SLC37A3: variants seen among roughly 807,000 people sequenced by gnomAD.
SLC37A3 encodes sugar phosphate exchanger 3.
A neutral mutation model predicts 67.1 loss-of-function variants in SLC37A3; 51 were observed. The ratio of observed to expected loss-of-function variants is 0.76; its 90% CI spans 0.61 to 0.96. The LOEUF (loss-of-function observed/expected upper bound fraction) is 0.96. Ranked by LOEUF, SLC37A3 falls within the 40% of genes least tolerant of loss-of-function variation. SLC37A3 has a pLI of 0.00. For synonymous variants in SLC37A3, 214 were observed against 231.4 expected (o/e 0.92, Z 0.68); for missense variants, 508 against 603.0 (o/e 0.84, Z 1.65).
At chr7:140,383,573 CCT>C (rs569584354) in intron 1 of SLC37A3, among the ~76,000 whole-genome samples, 6 of 152,128 alleles carry the variant, frequency 3.9e-5, no homozygotes, top group South Asian at 2.1e-4. Flanking sequence ...CTGCCTAACC[CCT>C]GTCTGCCCCC....
intron 14 of SLC37A3, among the ~76,000 whole-genome samples, chr7:140,336,330 A>T (rs2116995336): frequency 6.6e-6 from 1 of 152,320 alleles, no homozygotes; most frequent in Non-Finnish European, 1.5e-5. Context: ...GGACCCCCTG[A>T]GCCCAAGATC....
At position 140,385,672 on chromosome 7, in the gene SLC37A3, G is replaced by A. The variant is rs547302204; in HGVS notation, c.-70-3076C>T. Among the ~76,000 whole-genome samples the A allele has an allele frequency of 6.6e-5, 10 of 152,292 alleles. No individual in the cohort carries two copies. The South Asian group carries it at 2.1e-3, about 32-fold the overall frequency. On this transcript the variant is annotated intron_variant, in intron 1 of 14. Transcript: ENST00000326232. ...GCTTTAAAAAACTACCAAGACATTT[G>A]AGGCCATTTGGATGTAGTTTCTAAA...
At chr7:140,352,028 G>A (rs1796826899) in intron 8 of SLC37A3, 34 bp downstream of exon 8, 1 of 1,579,852 alleles carries the variant, frequency 6.3e-7, no homozygotes, top group African/African-American at 1.3e-5. Flanking sequence ...ATAATAGTAA[G>A]ACATTCGGAA....
At chr7:140,337,212 G>T in intron 14 of SLC37A3, 72 bp downstream of exon 14, 2 of 1,252,430 alleles carry the variant, frequency 1.6e-6, no homozygotes, top group South Asian at 1.7e-5. Context: ...TTGCTGAAGT[G>T]ACTTAAGTAA....
At chr7:140,353,470 C>G (rs989609066) in intron 7 of SLC37A3, among the ~76,000 whole-genome samples, 4 of 151,346 alleles carry the variant, frequency 2.6e-5, no homozygotes, top group Non-Finnish European at 5.9e-5. Flanking sequence ...GAGTGAGACT[C>G]TGTCTTGGAA....
At chr7:140,383,818 A>G (rs1207948123) in intron 1 of SLC37A3, among the ~76,000 whole-genome samples, 1 of 152,090 alleles carries the variant, frequency 6.6e-6, no homozygotes, top group African/African-American at 2.4e-5. Flanking sequence ...CTGGGACTAT[A>G]AGCATGAGCC....
chr7:140,351,854 C>T (rs111727074), intron 8 of SLC37A3: 7,184 of 657,958 alleles, frequency 0.011, 232 homozygotes, highest in South Asian at 0.074. Flanking sequence ...CTATAAAAGA[C>T]GTGCATCACT....
intron 8 of SLC37A3, 84 bp from the exon 9 acceptor site, chr7:140,351,535 G>A: frequency 1.5e-6 from 2 of 1,377,000 alleles, no homozygotes; most frequent in Admixed American, 2.4e-5. Context: ...ATGAGGTGAT[G>A]TTATTTTTAT....
chr7:140,381,939 AG>A (rs1798269969), intron 2 of SLC37A3, among the ~76,000 whole-genome samples: 1 of 148,864 alleles, frequency 6.7e-6, no homozygotes, highest in Non-Finnish European at 1.5e-5. Context: ...GCTTGAACCC[AG>A]GAGGCGGAGG....
intron 1 of SLC37A3, among the ~76,000 whole-genome samples, chr7:140,386,218 T>A (rs6464736): frequency 6.6e-6 from 1 of 151,812 alleles, no homozygotes; most frequent in Non-Finnish European, 1.5e-5. Context: ...CAGGCGCACA[T>A]GCCACCACAT....
intron 14 of SLC37A3, among the ~76,000 whole-genome samples, chr7:140,335,868 C>T (rs1010612906): frequency 5.3e-5 from 8 of 152,178 alleles, no homozygotes; most frequent in Non-Finnish European, 1.2e-4. Flanking sequence ...AGATACTTCC[C>T]TCTACTTAGC....
intron 13 of SLC37A3, among the ~76,000 whole-genome samples, chr7:140,342,677 CA>C (rs11300566): frequency 0.55 from 81,127 of 146,504 alleles, 22,741 homozygotes; most frequent in African/African-American, 0.72. Flanking sequence ...TGAATTTATG[CA>C]AAAAAAAAAA....
intron 5 of SLC37A3, among the ~76,000 whole-genome samples, chr7:140,361,510 C>T (rs71552607): frequency 0.77 from 56,830 of 73,346 alleles, 21,474 homozygotes; most frequent in South Asian, 0.9. Context: ...CCTCCCCCTC[C>T]CCCTCCCCCT....
At chr7:140,354,951 C>T (rs969488299) in intron 7 of SLC37A3, among the ~76,000 whole-genome samples, 2 of 151,986 alleles carry the variant, frequency 1.3e-5, no homozygotes, top group Non-Finnish European at 2.9e-5. Flanking sequence ...CATTATATTG[C>T]CCAGGCTGAT....
At chr7:140,366,451 A>G (rs868225938) in intron 4 of SLC37A3, among the ~76,000 whole-genome samples, 61 of 151,370 alleles carry the variant, frequency 4.0e-4, no homozygotes, top group African/African-American at 1.3e-3. Flanking sequence ...CAAAATGCCC[A>G]TAAGTTACAG....
chr7:140,396,143 C>G (rs543667741), intron 1 of SLC37A3, among the ~76,000 whole-genome samples: 16 of 151,994 alleles, frequency 1.1e-4, no homozygotes, highest in Non-Finnish European at 2.2e-4. Flanking sequence ...CCTCAGCCTC[C>G]AAAGTTGCTG....
At chr7:140,348,207 G>A (rs1585265922) in intron 10 of SLC37A3, among the ~76,000 whole-genome samples, 1 of 152,144 alleles carries the variant, frequency 6.6e-6, no homozygotes, top group East Asian at 1.9e-4. Context: ...AGGTGGGGAA[G>A]GTGGGAGGTA....
intron 14 of SLC37A3, among the ~76,000 whole-genome samples, 167 bp downstream of exon 14, chr7:140,337,117 A>AAAAAAAG (rs1554416978): frequency 5.5e-5 from 8 of 145,278 alleles, no homozygotes; most frequent in African/African-American, 1.9e-4. Context: ...AAAAAAAAAA[A>AAAAAAAG]AAGAAGAAGA....
intron 14 of SLC37A3, among the ~76,000 whole-genome samples, chr7:140,336,477 C>T (rs1199878181): frequency 2.0e-5 from 3 of 152,174 alleles, no homozygotes; most frequent in African/African-American, 7.2e-5. Flanking sequence ...TTGGCTATTT[C>T]CAAGAAAGTA....
Sources: gnomAD v4.1 joint callset for allele counts (sites outside exome capture counted in the v4.1 genomes callset) on GRCh38, gnomAD v4.1.1 for gene constraint, MANE v1.5 for transcripts, NCBI Gene and HGNC (gene_info 2026-07-23, HGNC 2026-07-21) for gene names.